PPFIBP1: variants seen among roughly 807,000 people sequenced by gnomAD.
PPFIBP1 encodes the protein liprin-beta-1.
A neutral mutation model predicts 137.8 loss-of-function variants in PPFIBP1; 112 were observed. The ratio of observed to expected loss-of-function variants is 0.81; its 90% confidence interval spans 0.70 to 0.95. The LOEUF (loss-of-function observed/expected upper bound fraction) is 0.95. Ranked by LOEUF, PPFIBP1 falls within the 40% of genes least tolerant of loss-of-function variation. The pLI is 0.00. For synonymous variants in PPFIBP1, 378 were observed against 417.3 expected (o/e 0.91, Z 1.15); for missense variants, 1,083 against 1,196.6 (o/e 0.91, Z 1.40).
In PPFIBP1 at chr12:27,667,270, G is replaced by A. The variant is rs751175123; in HGVS notation, c.1096G>A (p.Val366Ile). 6.2e-7 allele frequency: 1 copy of A among 1,613,542 alleles called. No individual in the cohort carries two copies. Among genetic ancestry groups the A allele is most frequent in the Non-Finnish European group, 8.5e-7 (1 of 1,179,754 alleles). The change falls in exon 13 of 30, where the codon GTA (valine) becomes ATA (isoleucine). Residue 366 changes from valine (V) to isoleucine (I), a missense_variant. Coordinates refer to ENST00000228425, the MANE Select transcript of PPFIBP1 (RefSeq NM_003622.4). ...DLEKSPSPTPVMGSPSCDPFN... is the reference protein window; with the variant it reads ...DLEKSPSPTPIMGSPSCDPFN... Reference sequence around the variant, plus strand: ...GGAGAAAAGTCCATCACCCACTCCAGTAATGGGATCTCCCAGTTGTGACCC... The same window carrying A: ...GGAGAAAAGTCCATCACCCACTCCAATAATGGGATCTCCCAGTTGTGACCC...
chr12:27,659,845 T>C (rs1305822889), intron 10 of PPFIBP1, among the ~76,000 whole-genome samples: 2 of 152,126 alleles, frequency 1.3e-5, no homozygotes, highest in South Asian at 4.1e-4. Flanking sequence ...CTCAAGAGGT[T>C]GAGGTGAGAG....
chr12:27,673,675 A>G, intron 15 of PPFIBP1, 92 bp from the exon 16 acceptor site: 1 of 1,055,170 alleles, frequency 9.5e-7, no homozygotes, highest in Non-Finnish European at 1.4e-6. Context: ...GATTCAACCC[A>G]CACGCAATTT....
intron 24 of PPFIBP1, among the ~76,000 whole-genome samples, chr12:27,684,510 C>G (rs1045622391): frequency 6.6e-6 from 1 of 152,178 alleles, no homozygotes; most frequent in Non-Finnish European, 1.5e-5. Context: ...AAACAGCCAA[C>G]TTAAGTAGGC....
chr12:27,614,002 T>C (rs927236825), intron 2 of PPFIBP1, among the ~76,000 whole-genome samples: 11 of 152,168 alleles, frequency 7.2e-5, no homozygotes, highest in African/African-American at 2.4e-4. Flanking sequence ...CTAGGACTAA[T>C]CTCTCTTCCT....
At chr12:27,645,447 T>A (rs61668907) in intron 4 of PPFIBP1, among the ~76,000 whole-genome samples, 148 of 143,874 alleles carry the variant, frequency 1.0e-3, no homozygotes, top group South Asian at 3.0e-3. Context: ...GATTTTTTTT[T>A]AAAAAAGTGT....
rs1565952378 is a variant in PPFIBP1 at position 27,656,597 on chromosome 12, A to AATC, written c.697-19_697-18insATC. 6.8e-7 allele frequency: 1 copy of AATC among 1,461,714 alleles called. No individual in the cohort carries two copies. The highest frequency in any genetic ancestry group is 9.6e-7 in the Non-Finnish European group (1 of 1,042,386). 90.5% of individuals were successfully genotyped at this position (1,461,714 alleles called of 1,614,324 possible). On this transcript the variant is annotated intron_variant, in intron 8 of 29. Coordinates refer to ENST00000228425, the MANE Select transcript of PPFIBP1 (RefSeq NM_003622.4). ...TTCAGTCATGATCTGCTATTTTTAAATGAATTTGTAACTTGTAGGATGAAC... is the reference window on the plus strand; with the variant it reads ...TTCAGTCATGATCTGCTATTTTTAAAATCTGAATTTGTAACTTGTAGGATGAAC...
chr12:27,679,570 C>T lies in PPFIBP1; in HGVS notation c.1697C>T (p.Pro566Leu). 6.2e-7 allele frequency: 1 copy of T among 1,613,750 alleles called. No homozygotes were observed. The highest frequency in any genetic ancestry group is 8.5e-7 in the Non-Finnish European group (1 of 1,179,652). ...SRPKDSQRNS[P>L]FQIPPPSPDS... ...CCAAAAGATTCACAGAGGAACAGTC[C>T]CTTCCAGATACCGCCTCCATCTCCA... Residue 566 changes from proline (P) to leucine (L), a missense_variant, in exon 20 of 30, where the codon CCC (proline) becomes CTC (leucine). Physicochemically the swap from Pro to Leu is moderately conservative, Grantham distance 98. Coordinates refer to ENST00000228425, the MANE Select transcript of PPFIBP1 (RefSeq NM_003622.4).
Position 27,535,748 on chromosome 12 carries a change from T to C in PPFIBP1, c.-124+11383T>C, listed in dbSNP as rs148306293. Among the ~76,000 whole-genome samples, 533 of 152,330 alleles carry C rather than the reference T, an allele frequency of 3.5e-3. 1 individual carries two copies. Among genetic ancestry groups the C allele is most frequent in the Middle Eastern group, 0.024 (7 of 294 alleles). On this transcript the variant is annotated intron_variant, in intron 1 of 29. Transcript: ENST00000228425. ...TAGAGCATTGAACTCATATGCAGAA[T>C]TACTGAAGTTGTCGACGCATATGTA...
At chr12:27,656,826 TC>T in intron 9 of PPFIBP1, 96 bp downstream of exon 9, 1 of 836,612 alleles carries the variant, frequency 1.2e-6, no homozygotes. Flanking sequence ...AGTTTTAGCA[TC>T]AAAGAAAGAG....
intron 4 of PPFIBP1, chr12:27,635,965 G>A (rs1290201047): frequency 6.6e-6 from 1 of 152,172 alleles, no homozygotes; most frequent in Non-Finnish European, 1.5e-5. Context: ...TCAATTTTCA[G>A]TAAGATGCAC....
intron 1 of PPFIBP1, among the ~76,000 whole-genome samples, chr12:27,525,840 T>C (rs1031923787): frequency 6.6e-6 from 1 of 152,236 alleles, no homozygotes; most frequent in African/African-American, 2.4e-5. Flanking sequence ...TGTTTGGTTG[T>C]GCTGTTGTTT....
chr12:27,689,004 T>C lies in PPFIBP1; in HGVS notation c.2497-11T>C. On this transcript the variant is annotated splice_polypyrimidine_tract_variant and intron_variant, in intron 26 of 29. Transcript: ENST00000228425. ...GACTTTTGACAAGCTTTTTTTTTTT[T>C]CTTTAAACAGGTTCTAGAGCCTCGT... 6.3e-7 allele frequency: 1 copy of C among 1,595,612 alleles called. No homozygotes were observed. The highest frequency in any genetic ancestry group is 1.4e-5 in the African/African-American group (1 of 73,334).
chr12:27,538,503 G>C (rs977391606), intron 1 of PPFIBP1, among the ~76,000 whole-genome samples: 4 of 152,202 alleles, frequency 2.6e-5, no homozygotes, highest in African/African-American at 7.2e-5. Flanking sequence ...TTACAGATGA[G>C]GAAACTGAGA....
At chr12:27,612,562 G>C (rs1191205577) in intron 2 of PPFIBP1, among the ~76,000 whole-genome samples, 2 of 151,860 alleles carry the variant, frequency 1.3e-5, no homozygotes, top group East Asian at 1.9e-4. Flanking sequence ...TTGCCTGGCT[G>C]GTCTTGAAAC....
At chr12:27,642,445 C>T (rs1384097366) in intron 4 of PPFIBP1, among the ~76,000 whole-genome samples, 12 of 152,208 alleles carry the variant, frequency 7.9e-5, no homozygotes, top group Admixed American at 7.9e-4. Context: ...TTTTAAGTTA[C>T]GTGCTCAGGA....
intron 2 of PPFIBP1, among the ~76,000 whole-genome samples, chr12:27,614,608 G>C (rs923210891): frequency 7.9e-5 from 12 of 152,158 alleles, no homozygotes; most frequent in Non-Finnish European, 1.6e-4. Context: ...CCAGTTGTCA[G>C]GGATGGGTAT....
intron 24 of PPFIBP1, among the ~76,000 whole-genome samples, chr12:27,683,329 TG>T (rs2060996550): frequency 6.6e-6 from 1 of 152,214 alleles, no homozygotes; most frequent in Admixed American, 6.5e-5. Context: ...CCTCCCAAAG[TG>T]CTGGAATTAT....
At chr12:27,534,241 A>G (rs66774511) in intron 1 of PPFIBP1, among the ~76,000 whole-genome samples, 25,692 of 152,178 alleles carry the variant, frequency 0.17, 2,421 homozygotes, top group Middle Eastern at 0.26. Context: ...CTCGAAATCC[A>G]TAAGAACCCT....
chr12:27,601,925 A>T (rs2054040757), intron 2 of PPFIBP1, among the ~76,000 whole-genome samples: 1 of 152,234 alleles, frequency 6.6e-6, no homozygotes, highest in Non-Finnish European at 1.5e-5. Flanking sequence ...ACTAAAATTT[A>T]AATGGAATTA....
Sources: allele counts gnomAD v4.1 joint callset (sites outside exome capture counted in the v4.1 genomes callset), GRCh38; gene constraint gnomAD v4.1.1; transcripts MANE v1.5; gene names NCBI Gene and HGNC (gene_info 2026-07-23, HGNC 2026-07-21).